CARMIL2: variants seen among roughly 807,000 people sequenced by gnomAD.
CARMIL2 encodes the protein capping protein regulator and myosin 1 linker 2, also known as capping protein, Arp2/3 and myosin-I linker protein 2.
A neutral mutation model predicts 173.3 loss-of-function variants in CARMIL2; 96 were observed. The observed-to-expected ratio is 0.55, with a 90% CI of 0.47 to 0.66. The LOEUF is 0.66. Among genes scored for constraint, CARMIL2 ranks in the 30% least tolerant of loss-of-function variants. The pLI, the probability that CARMIL2 is intolerant of heterozygous loss-of-function variation, is 0.00. For missense variants in CARMIL2, 1,771 were observed against 1,906.7 expected (o/e 0.93, Z 1.33); for synonymous variants, 830 against 817.1 (o/e 1.02, Z -0.27).
rs761664937 is a variant in CARMIL2 at position 67,656,583 on chromosome 16, C to A, written c.3974C>A (p.Thr1325Asn). 1.2e-6 allele frequency: 2 copies of A among 1,612,000 alleles called. No homozygotes were observed. The highest frequency in any genetic ancestry group is 2.7e-5 in the African/African-American group (2 of 74,898). The change falls in exon 35 of 38, where the codon ACC (threonine) becomes AAC (asparagine). Residue 1325 changes from threonine to asparagine, a missense_variant. Coordinates refer to ENST00000334583, the MANE Select transcript of CARMIL2 (RefSeq NM_001013838.3). ...GGTCAAAGCCCAAGTCCCTGCAGAA[C>A]CAGCCCCTCCCCAGACAGCCTGGGC... ...SPGQSPSPCR[T>N]SPSPDSLGLP...
In CARMIL2 at chr16:67,649,340, G is replaced by C. The variant is rs926155441; in HGVS notation, c.1746+29G>C. On this transcript the variant is annotated intron_variant, in intron 19 of 37. Transcript: ENST00000334583. This position sits in a 1 kb window ranked among gnomAD's most constrained non-coding sequence, Gnocchi z 6.7. ...AGTTCACGGGACCTTGCAGGGCCTC[G>C]GGCAATTAGACCACTTTGGTCCTCC... 1 of 1,609,806 alleles carries C rather than the reference G, an allele frequency of 6.2e-7. No individual in the cohort carries two copies. Among genetic ancestry groups the C allele is most frequent in the African/African-American group, 1.3e-5 (1 of 74,916 alleles).
chr16:67,655,043 G>C, intron 32 of CARMIL2, 143 bp downstream of exon 32: 1 of 1,200,626 alleles, frequency 8.3e-7, no homozygotes, highest in Non-Finnish European at 1.1e-6. Context: ...TTACAGATTC[G>C]ACCTTTCTTC....
Position 67,652,545 on chromosome 16 carries a change from C to A in CARMIL2, c.2884+7C>A. 1 of 1,612,906 alleles carries A rather than the reference C, an allele frequency of 6.2e-7. No homozygotes were observed. Among genetic ancestry groups the A allele is most frequent in the South Asian group, 1.1e-5 (1 of 90,946 alleles). On this transcript the variant is annotated splice_region_variant and intron_variant, in intron 28 of 37. Coordinates refer to ENST00000334583, the MANE Select transcript of CARMIL2 (RefSeq NM_001013838.3). The surrounding 1 kb of genome is among the most constrained non-coding windows in gnomAD (Gnocchi z 4.7). ...CTGGTCCCCTTCATTCACAGTAAGT[C>A]AGGGCCTTGGGGGAGGGAGTTTACG...
chr16:67,648,297 G>T lies in CARMIL2; in HGVS notation c.1317G>T (p.Arg439Ser). The T allele has an allele frequency of 4.4e-6, 7 of 1,592,536 alleles. No homozygotes were observed. Among genetic ancestry groups the T allele is most frequent in the Non-Finnish European group, 6.0e-6 (7 of 1,176,430 alleles). ...CTSLTHLDAS[R>S]NVFSRTKSRA... Reference sequence around the variant, plus strand: ...GCCTTACCCACCTCGACGCTTCGAGGAACGTCTTCTCCCGCACGTAAGGGG... The same window carrying T: ...GCCTTACCCACCTCGACGCTTCGAGTAACGTCTTCTCCCGCACGTAAGGGG... Residue 439 changes from arginine to serine, a missense_variant, in exon 14 of 38, where the codon AGG (arginine) becomes AGT (serine). This residue lies in a region of CARMIL2 where 944 missense variants were observed against 975.6 expected (regional missense o/e 0.97). Coordinates refer to ENST00000334583, the MANE Select transcript of CARMIL2 (RefSeq NM_001013838.3). The surrounding 1 kb of genome is among the most constrained non-coding windows in gnomAD (Gnocchi z 6.1).
At position 67,654,188 on chromosome 16, in the gene CARMIL2, G is replaced by C. The variant is rs992254790; in HGVS notation, c.3160G>C (p.Ala1054Pro). 6.4e-7 allele frequency: 1 copy of C among 1,568,592 alleles called. No homozygotes were observed. Among genetic ancestry groups the C allele is most frequent in the Non-Finnish European group, 8.6e-7 (1 of 1,157,442 alleles). ...GCCGCAGGAAGGGAATGGGCTCAGT[G>C]CCCGCGTGGACGAGGGCGTGGAGGA... ...ALPQEGNGLSARVDEGVEEFF... is the reference protein window; with the variant it reads ...ALPQEGNGLSPRVDEGVEEFF... Residue 1054 changes from alanine (A) to proline (P), a missense_variant, in exon 30 of 38, where the codon GCC becomes CCC. Coordinates refer to ENST00000334583, the MANE Select transcript of CARMIL2 (RefSeq NM_001013838.3).
In CARMIL2 at chr16:67,646,452, CCT is replaced by C. The variant is rs1421724162; in HGVS notation, c.403_404del (p.Ser135HisfsTer15). The C allele has an allele frequency of 4.3e-6, 7 of 1,613,796 alleles. No homozygotes were observed. The highest frequency in any genetic ancestry group is 3.4e-6 in the Non-Finnish European group (4 of 1,179,866). On this transcript the variant is annotated frameshift_variant, in exon 6 of 38. Transcript: ENST00000334583. LOFTEE classifies it high-confidence loss of function. This position sits in a 1 kb window ranked among gnomAD's most constrained non-coding sequence, Gnocchi z 4.6. ...AAGCTATTCCGGAGGCCCACACCAG[CCT>C]CCATGCTGGCTCGGCTGGAGAGAAG...
chr16:67,648,547 T>C lies in CARMIL2; in HGVS notation c.1439+45T>C. ...CACGCCCCCGCGGGCGCTCCCACCC[T>C]GCCCTGGCCTTCGCCCCTCCCCGCT... On this transcript the variant is annotated intron_variant, in intron 15 of 37. Transcript: ENST00000334583. The surrounding 1 kb of genome is among the most constrained non-coding windows in gnomAD (Gnocchi z 6.1). 1.7e-6 allele frequency: 2 copies of C among 1,206,356 alleles called. No homozygotes were observed. Among genetic ancestry groups the C allele is most frequent in the Non-Finnish European group, 1.1e-6 (1 of 896,726 alleles). 74.7% of individuals were successfully genotyped at this position (1,206,356 alleles called of 1,614,324 possible).
rs780868936 is a variant in CARMIL2 at position 67,651,526 on chromosome 16, C to T, written c.2427+12C>T. 3.2e-6 allele frequency: 5 copies of T among 1,576,930 alleles called. No individual in the cohort carries two copies. The African/African-American group carries it at 6.7e-5, about 21-fold the overall frequency. ...GCCAGGACATCCAGGTGAGAGGGTA[C>T]TCCTGCCCCAACCCCACCTCCGTTT... On this transcript the variant is annotated intron_variant, in intron 24 of 37. Coordinates refer to ENST00000334583, the MANE Select transcript of CARMIL2 (RefSeq NM_001013838.3). The surrounding 1 kb of genome is among the most constrained non-coding windows in gnomAD (Gnocchi z 4.2).
chr16:67,651,713 C>T lies in CARMIL2; in HGVS notation c.2456C>T (p.Ala819Val), dbSNP rs2142934524. The T allele has an allele frequency of 6.2e-7, 1 of 1,607,064 alleles. No individual in the cohort carries two copies. The highest frequency in any genetic ancestry group is 1.1e-5 in the South Asian group (1 of 90,106). ...QDFTQATLDTARSLCPQMLQG... is the reference protein window; with the variant it reads ...QDFTQATLDTVRSLCPQMLQG... ...TTCACTCAGGCCACACTGGACACAGCAAGGAGCCTCTGCCCACAGATGCTG... is the reference window on the plus strand; with the variant it reads ...TTCACTCAGGCCACACTGGACACAGTAAGGAGCCTCTGCCCACAGATGCTG... Residue 819 changes from alanine (A) to valine (V), a missense_variant, in exon 25 of 38, where the codon GCA becomes GTA. Physicochemically the swap from Ala to Val is moderately conservative, Grantham distance 64. Around this residue, in one of 3 missense-constraint regions of CARMIL2, gnomAD observed 817 missense variants for 903.5 expected, o/e 0.90. Coordinates refer to ENST00000334583, the MANE Select transcript of CARMIL2 (RefSeq NM_001013838.3). The surrounding 1 kb of genome is among the most constrained non-coding windows in gnomAD (Gnocchi z 4.2).
chr16:67,654,530 C>A lies in CARMIL2; in HGVS notation c.3420C>A (p.Thr1140=), dbSNP rs1298838260. The change falls in exon 31 of 38, where the codon ACC becomes ACA. Residue 1140 remains threonine (T), a synonymous_variant. Coordinates refer to ENST00000334583, the MANE Select transcript of CARMIL2 (RefSeq NM_001013838.3). ...TTFGDLLRPP[T]RPSRGEELGG... Reference sequence around the variant, plus strand: ...TTGGCGACCTACTGCGGCCGCCAACCCGTCCCAGCCGTGGTGAGGAGCTTG... The same window carrying A: ...TTGGCGACCTACTGCGGCCGCCAACACGTCCCAGCCGTGGTGAGGAGCTTG... The A allele has an allele frequency of 3.7e-6, 6 of 1,611,706 alleles. No individual in the cohort carries two copies.
At position 67,652,016 on chromosome 16, in the gene CARMIL2, G is replaced by A; in HGVS notation, c.2676+8G>A. ...GCAGCCCGGGATCAGCTGGTGAGGG[G>A]GAGATGTGCACACACTTTCGTGCAA... On this transcript the variant is annotated splice_region_variant and intron_variant, in intron 26 of 37. Transcript: ENST00000334583. The surrounding 1 kb of genome is among the most constrained non-coding windows in gnomAD (Gnocchi z 4.7). 1 of 1,613,218 alleles carries A rather than the reference G, an allele frequency of 6.2e-7. No individual in the cohort carries two copies. The highest frequency in any genetic ancestry group is 8.5e-7 in the Non-Finnish European group (1 of 1,179,644).
Position 67,645,207 on chromosome 16 carries a change from C to T in CARMIL2, c.-40C>T, listed in dbSNP as rs1419680265. The stretch of plus-strand genomic sequence containing the variant: ...TGTGCGCGCTCGTCCTCTGCTGTTT[C>T]CCGCCGGAGCTCGTTGGGCCTCCCC... On this transcript the variant is annotated 5_prime_UTR_variant, in exon 1 of 38. Transcript: ENST00000334583. 1 of 1,533,722 alleles carries T rather than the reference C, an allele frequency of 6.5e-7. No individual in the cohort carries two copies. Among genetic ancestry groups the T allele is most frequent in the Non-Finnish European group, 8.8e-7 (1 of 1,133,648 alleles).
In CARMIL2 at chr16:67,647,675, C is replaced by T. The variant is rs564549930; in HGVS notation, c.872-5C>T. On this transcript the variant is annotated splice_region_variant and splice_polypyrimidine_tract_variant and intron_variant, in intron 11 of 37. Coordinates refer to ENST00000334583, the MANE Select transcript of CARMIL2 (RefSeq NM_001013838.3). ...AGACCCACGTGGCTGTTCCCACCCC[C>T]CAAGGCATGACTGCACTCAGCAGAC... is the stretch of plus-strand genomic sequence containing the variant. 6 of 1,600,198 alleles carry T rather than the reference C, an allele frequency of 3.7e-6. No homozygotes were observed. Among genetic ancestry groups the T allele is most frequent in the South Asian group, 1.1e-5 (1 of 88,250 alleles).
Position 67,646,206 on chromosome 16 carries a change from C to T in CARMIL2, c.270C>T (p.Ser90=), listed in dbSNP as rs780425031. The change falls in exon 5 of 38, where the codon TCC becomes TCT. Residue 90 remains serine (S), a synonymous_variant. Transcript: ENST00000334583. This position sits in a 1 kb window ranked among gnomAD's most constrained non-coding sequence, Gnocchi z 4.6. ...CCTAGGTCACCTTTGAGCTGGAGTCCCTGCGTGAGCTGGTCCTGGAGTTTC... is the reference window on the plus strand; with the variant it reads ...CCTAGGTCACCTTTGAGCTGGAGTCTCTGCGTGAGCTGGTCCTGGAGTTTC... ...TPPQVTFELE[S]LRELVLEFPG... is the part of the protein sequence containing the mutation. The T allele has an allele frequency of 1.2e-4, 191 of 1,613,684 alleles. 1 individual carries two copies. Among genetic ancestry groups the T allele is most frequent in the Non-Finnish European group, 1.5e-4 (178 of 1,179,878 alleles).
In CARMIL2 at chr16:67,647,461, G is replaced by A. The variant is rs78046419; in HGVS notation, c.777-47G>A. ...ACTGGGGGCTAGTGGCCTGGGAGGG[G>A]TTGGCAAACCAGGGGCAGAATCTCA... On this transcript the variant is annotated intron_variant, in intron 10 of 37. Transcript: ENST00000334583. The A allele has an allele frequency of 4.7e-3, 7,411 of 1,563,962 alleles. 98 individuals are homozygous for A. The highest frequency in any genetic ancestry group is 0.04 in the African/African-American group (2,936 of 73,944).
Position 67,651,958 on chromosome 16 carries a change from A to G in CARMIL2, c.2626A>G (p.Ser876Gly). 1.9e-6 allele frequency: 3 copies of G among 1,613,566 alleles called. No homozygotes were observed. Among genetic ancestry groups the G allele is most frequent in the Non-Finnish European group, 2.5e-6 (3 of 1,179,860 alleles). The change falls in exon 26 of 38, where the codon AGC (serine) becomes GGC (glycine). Residue 876 changes from serine (S) to glycine (G), a missense_variant. Physicochemically the swap from Ser to Gly is moderately conservative, Grantham distance 56. Transcript: ENST00000334583. The surrounding 1 kb of genome is among the most constrained non-coding windows in gnomAD (Gnocchi z 4.2). ...ATCAATCACGGGGACCTTGGCAGAGAGCATTGTGGCTCAGGCTTTGGCAGG... is the reference window on the plus strand; with the variant it reads ...ATCAATCACGGGGACCTTGGCAGAGGGCATTGTGGCTCAGGCTTTGGCAGG... ...RLSITGTLAE[S>G]IVAQALAGLS...
chr16:67,649,235 C>T lies in CARMIL2; in HGVS notation c.1689-19C>T. On this transcript the variant is annotated intron_variant, in intron 18 of 37. Transcript: ENST00000334583. This position sits in a 1 kb window ranked among gnomAD's most constrained non-coding sequence, Gnocchi z 6.7. ...ACCCCACCACCCCTGTCCCCCACAA[C>T]TGCGGCCCCTGCCCACAGGGAGACC... The T allele has an allele frequency of 5.0e-6, 8 of 1,613,432 alleles. No individual in the cohort carries two copies. Among genetic ancestry groups the T allele is most frequent in the Non-Finnish European group, 6.8e-6 (8 of 1,179,668 alleles).
Position 67,652,454 on chromosome 16 carries a change from T to C in CARMIL2, c.2818-18T>C. The C allele has an allele frequency of 1.9e-6, 3 of 1,613,180 alleles. No individual in the cohort carries two copies. Among genetic ancestry groups the C allele is most frequent in the Non-Finnish European group, 2.5e-6 (3 of 1,179,646 alleles). The stretch of plus-strand genomic sequence containing the variant: ...GGTGCTCTCCTACCCCAGGCTGAGT[T>C]TGTGCCCTCCCCACCAGGATGACAG... On this transcript the variant is annotated intron_variant, in intron 27 of 37. Transcript: ENST00000334583. The surrounding 1 kb of genome is among the most constrained non-coding windows in gnomAD (Gnocchi z 4.7).
intron 22 of CARMIL2, chr16:67,650,874 G>A: frequency 3.3e-6 from 1 of 303,740 alleles, no homozygotes. Context: ...CTCCTCCAGG[G>A]CTACTCACTC....
Sources: gnomAD v4.1 joint callset for allele counts on GRCh38, gnomAD v4.1.1 for gene constraint, gnomAD v4.1.1 regional missense constraint, Gnocchi (gnomAD v3.1) non-coding constraint, MANE v1.5 for transcripts, NCBI Gene and HGNC (gene_info 2026-07-23, HGNC 2026-07-21) for gene names.